PTPRM: variants seen among roughly 807,000 people sequenced by gnomAD.
PTPRM encodes protein tyrosine phosphatase receptor type M.
Under a neutral mutation model 186.7 loss-of-function variants are expected in PTPRM, and 47 were observed. The ratio of observed to expected loss-of-function variants is 0.25; its 90% CI spans 0.20 to 0.32. The LOEUF is 0.32. Among genes scored for constraint, PTPRM ranks in the 10% least tolerant of loss-of-function variants. The pLI is 1.00. For missense variants in PTPRM, 1,494 were observed against 1,865.0 expected, an observed-to-expected ratio of 0.80 and a Z score of 3.66; for synonymous variants, 668 against 674.9, an observed-to-expected ratio of 0.99 and a Z score of 0.16.
intron 29 of PTPRM, among the ~76,000 whole-genome samples, 182 bp downstream of exon 29, chr18:8,380,609 G>T (rs922607277): frequency 1.4e-4 from 20 of 146,404 alleles, no homozygotes; most frequent in African/African-American, 5.5e-4. Context: ...GGGTTAGAAA[G>T]TCAGTTGAAA....
At chr18:7,930,032 CTTTG>C (rs1045350329) in intron 5 of PTPRM, among the ~76,000 whole-genome samples, 8 of 152,134 alleles carry the variant, frequency 5.3e-5, no homozygotes, top group African/African-American at 1.7e-4. Context: ...AATAATACAT[CTTTG>C]TTTGGGGGTA....
At chr18:7,955,466 C>G (rs1383510860) in intron 7 of PTPRM, 52 bp downstream of exon 7, 1 of 1,558,746 alleles carries the variant, frequency 6.4e-7, no homozygotes, top group African/African-American at 1.3e-5. Context: ...CTGGTGTTGA[C>G]TGGCAGCACT....
At chr18:8,010,449 A>G (rs1277603446) in intron 7 of PTPRM, among the ~76,000 whole-genome samples, 1 of 152,080 alleles carries the variant, frequency 6.6e-6, no homozygotes, top group African/African-American at 2.4e-5. Context: ...TGTTCCCTAA[A>G]CCACTGAGTT....
chr18:8,090,822 T>C (rs1213607969), intron 11 of PTPRM, among the ~76,000 whole-genome samples: 1 of 152,190 alleles, frequency 6.6e-6, no homozygotes, highest in Admixed American at 6.6e-5. Context: ...CTTGAACTCC[T>C]GACCTCAGGT....
At chr18:7,944,720 C>T (rs1318050697) in intron 5 of PTPRM, among the ~76,000 whole-genome samples, 2 of 152,142 alleles carry the variant, frequency 1.3e-5, no homozygotes, top group Non-Finnish European at 2.9e-5. Context: ...TATATTTCCC[C>T]TATAGTTCTG....
Position 8,304,275 on chromosome 18 carries a change from A to G in PTPRM, c.2842+7820A>G, listed in dbSNP as rs118178089. Among the ~76,000 whole-genome samples, 74 of 152,346 alleles carry G rather than the reference A, an allele frequency of 4.9e-4. No individual in the cohort carries two copies. The East Asian group carries it at 0.013, about 26-fold the overall frequency. On this transcript the variant is annotated intron_variant, in intron 20 of 32. Transcript: ENST00000580170. ...TTAAACGTAATGTTACCTGATGGAA[A>G]GGGCAGAAATACCATGTTCTACAGA...
chr18:7,579,945 C>G (rs1187667894), intron 1 of PTPRM, among the ~76,000 whole-genome samples: 3 of 152,172 alleles, frequency 2.0e-5, no homozygotes, highest in Non-Finnish European at 2.9e-5. Flanking sequence ...GCATATTGGT[C>G]TGTTAAAGCA....
intron 7 of PTPRM, among the ~76,000 whole-genome samples, chr18:7,964,866 AGG>A (rs35394999): frequency 6.6e-6 from 1 of 152,024 alleles, no homozygotes; most frequent in Non-Finnish European, 1.5e-5. Flanking sequence ...ATAGTGACCC[AGG>A]GTCCCTGTTC....
At chr18:8,401,273 G>A (rs2095870817) in intron 32 of PTPRM, among the ~76,000 whole-genome samples, 1 of 152,182 alleles carries the variant, frequency 6.6e-6, no homozygotes, top group African/African-American at 2.4e-5. Flanking sequence ...GATTTTGCAG[G>A]GGGCTTTGGT....
intron 14 of PTPRM, among the ~76,000 whole-genome samples, chr18:8,231,956 C>A (rs75432534): frequency 0.022 from 3,418 of 152,210 alleles, 120 homozygotes; most frequent in African/African-American, 0.079. Flanking sequence ...CATCAGGGTT[C>A]ATTCTTCATA....
chr18:7,708,981 T>C (rs2040155120), intron 1 of PTPRM, among the ~76,000 whole-genome samples: 2 of 152,160 alleles, frequency 1.3e-5, no homozygotes, highest in Admixed American at 6.5e-5. Context: ...ATGTTTATTA[T>C]AATTCTTTTT....
intron 4 of PTPRM, among the ~76,000 whole-genome samples, chr18:7,914,717 G>A (rs1432619338): frequency 6.6e-6 from 1 of 152,040 alleles, no homozygotes; most frequent in African/African-American, 2.4e-5. Context: ...TGCTAGATGG[G>A]GAAGTTTAAT....
At chr18:8,307,005 C>T (rs757213637) in intron 20 of PTPRM, among the ~76,000 whole-genome samples, 32 of 152,240 alleles carry the variant, frequency 2.1e-4, no homozygotes, top group South Asian at 1.5e-3. Context: ...GAGGGGCATC[C>T]ATATACTGAT....
chr18:8,074,016 T>G (rs2089651706), intron 8 of PTPRM, among the ~76,000 whole-genome samples: 1 of 152,210 alleles, frequency 6.6e-6, no homozygotes, highest in South Asian at 2.1e-4. Flanking sequence ...TTATTAGTCT[T>G]AAGTCAGAAC....
chr18:7,882,058 A>T (rs114941338), intron 2 of PTPRM, among the ~76,000 whole-genome samples: 1 of 152,144 alleles, frequency 6.6e-6, no homozygotes, highest in African/African-American at 2.4e-5. Context: ...ACTCTTTGCT[A>T]TAACTTTAAG....
chr18:8,007,888 C>T (rs77315922), intron 7 of PTPRM, among the ~76,000 whole-genome samples: 3,587 of 152,252 alleles, frequency 0.024, 141 homozygotes, highest in African/African-American at 0.082. Context: ...AGTTAAAAGA[C>T]GTTAGGAGAG....
In PTPRM at chr18:8,314,762, T is replaced by C. The variant is rs1430777135; in HGVS notation, c.2843-19T>C. 1 of 1,602,942 alleles carries C rather than the reference T, an allele frequency of 6.2e-7. No homozygotes were observed. On this transcript the variant is annotated intron_variant, in intron 20 of 32. Coordinates refer to ENST00000580170, the MANE Select transcript of PTPRM (RefSeq NM_001105244.2). ...ATTGCTTTTGTTAATCGTTATTTTCTGTCCCTTTTCCTTTGCAGACGATCA... is the reference window on the plus strand; with the variant it reads ...ATTGCTTTTGTTAATCGTTATTTTCCGTCCCTTTTCCTTTGCAGACGATCA...
At chr18:8,015,541 A>G (rs1029732441) in intron 7 of PTPRM, among the ~76,000 whole-genome samples, 2 of 152,042 alleles carry the variant, frequency 1.3e-5, no homozygotes, top group African/African-American at 2.4e-5. Context: ...AGGCTGATTG[A>G]CAACCAGATT....
At chr18:7,692,825 T>C (rs2039762857) in intron 1 of PTPRM, among the ~76,000 whole-genome samples, 2 of 152,214 alleles carry the variant, frequency 1.3e-5, no homozygotes, top group African/African-American at 4.8e-5. Flanking sequence ...ACTCTGGAAA[T>C]GGCATTATTG....
Sources: gnomAD v4.1 joint callset for allele counts (sites outside exome capture counted in the v4.1 genomes callset) on GRCh38, gnomAD v4.1.1 for gene constraint, MANE v1.5 for transcripts, NCBI Gene and HGNC (gene_info 2026-07-23, HGNC 2026-07-21) for gene names.